Variants in TIAM2 observed in about 807,000 individuals in gnomAD.
The protein encoded by TIAM2 is rho guanine nucleotide exchange factor TIAM2.
TIAM2 carries 80 observed loss-of-function variants against 152.9 expected under a neutral mutation model. The ratio of observed to expected loss-of-function variants is 0.52; its 90% confidence interval spans 0.44 to 0.63. The LOEUF is 0.63. TIAM2 is among the 30% of genes least tolerant of loss of function. The pLI is 0.00. For synonymous variants in TIAM2, 804 were observed against 838.0 expected (o/e 0.96, Z 0.70); for missense variants, 1,965 against 2,120.1 (o/e 0.93, Z 1.44).
At chr6:155,112,125 C>CT (rs34148436) in intron 2 of TIAM2, among the ~76,000 whole-genome samples, 25,654 of 131,358 alleles carry the variant, frequency 0.2, 3,090 homozygotes, top group South Asian at 0.42. Flanking sequence ...TTGGTTTCCT[C>CT]TTTTTTTTTT....
rs1469776948 is a variant in TIAM2 at position 155,156,434 on chromosome 6, C to G, written c.2029-7981C>G. Among the ~76,000 whole-genome samples, 1 of 152,104 alleles carries G rather than the reference C, an allele frequency of 6.6e-6. No homozygotes were observed. The highest frequency in any genetic ancestry group is 1.5e-5 in the Non-Finnish European group (1 of 68,026). ...TTTTGGGAGGCCAAGGTGGGCGGATCACTTGAGGTCAGGAGTTCAAGACTA... is the reference window on the plus strand; with the variant it reads ...TTTTGGGAGGCCAAGGTGGGCGGATGACTTGAGGTCAGGAGTTCAAGACTA... On this transcript the variant is annotated intron_variant, in intron 7 of 26. Transcript: ENST00000682666. This position sits in a 1 kb window ranked among gnomAD's most constrained non-coding sequence, Gnocchi z 4.4.
chr6:155,118,494 G>A (rs768370764), intron 2 of TIAM2, among the ~76,000 whole-genome samples: 6 of 141,194 alleles, frequency 4.2e-5, no homozygotes, highest in East Asian at 2.0e-4. Context: ...GTGCAGTGGC[G>A]TGATCTTGAC....
At position 155,186,395 on chromosome 6, in the gene TIAM2, T is replaced by C. The variant is rs1781043845; in HGVS notation, c.3064+2895T>C. On this transcript the variant is annotated intron_variant, in intron 14 of 26. Transcript: ENST00000682666. The surrounding 1 kb of genome is among the most constrained non-coding windows in gnomAD (Gnocchi z 4.5). Reference sequence around the variant, plus strand: ...TACACAGCAGCCTCGCTTTCACACCTCCCATGGGCTTCCTGCCCTTCTTGC... The same window carrying C: ...TACACAGCAGCCTCGCTTTCACACCCCCCATGGGCTTCCTGCCCTTCTTGC... Among the ~76,000 whole-genome samples, 1 of 152,080 alleles carries C rather than the reference T, an allele frequency of 6.6e-6. No homozygotes were observed. Among genetic ancestry groups the C allele is most frequent in the Non-Finnish European group, 1.5e-5 (1 of 68,010 alleles).
intron 14 of TIAM2, among the ~76,000 whole-genome samples, chr6:155,204,947 G>A (rs970880058): frequency 6.6e-6 from 1 of 152,000 alleles, no homozygotes; most frequent in Non-Finnish European, 1.5e-5. Flanking sequence ...CACCTTGAAC[G>A]CTGCGTCCTC....
intron 5 of TIAM2, among the ~76,000 whole-genome samples, chr6:155,141,151 G>C (rs1479066922): frequency 6.6e-6 from 1 of 152,110 alleles, no homozygotes; most frequent in Admixed American, 6.5e-5. Context: ...AAGATCCATG[G>C]ATAAAGGGTG....
Position 155,183,385 on chromosome 6 carries a change from A to T in TIAM2, c.2949A>T (p.Thr983=). ...RPPDTKATLC[T]SWSDSDLFSR... ...CGGACACAAAAGCAACCCTGTGTACATCCTGGTCAGACAGTGACCTGTTCT... is the reference window on the plus strand; with the variant it reads ...CGGACACAAAAGCAACCCTGTGTACTTCCTGGTCAGACAGTGACCTGTTCT... The change falls in exon 14 of 27, where the codon ACA becomes ACT. Residue 983 remains threonine, a synonymous_variant. Transcript: ENST00000682666. The T allele has an allele frequency of 6.2e-7, 1 of 1,613,456 alleles. No individual in the cohort carries two copies. Among genetic ancestry groups the T allele is most frequent in the African/African-American group, 1.3e-5 (1 of 74,782 alleles).
intron 1 of TIAM2, among the ~76,000 whole-genome samples, chr6:155,029,586 A>AT: frequency 1.3e-5 from 1 of 75,984 alleles, no homozygotes; most frequent in Admixed American, 1.8e-4. Context: ...ATATATAACT[A>AT]TATAGTATAT....
intron 1 of TIAM2, among the ~76,000 whole-genome samples, chr6:155,010,644 G>T (rs1247493144): frequency 2.0e-5 from 3 of 152,054 alleles, no homozygotes; most frequent in South Asian, 2.1e-4. Context: ...TAGTAGAGAC[G>T]GGGTTTCTCC....
intron 22 of TIAM2, 63 bp from the exon 23 acceptor site, chr6:155,251,882 C>G: frequency 4.6e-6 from 6 of 1,316,642 alleles, no homozygotes; most frequent in Non-Finnish European, 5.4e-6. Context: ...ACGTTCAGCT[C>G]TAGTTTAACC....
intron 14 of TIAM2, among the ~76,000 whole-genome samples, chr6:155,208,093 C>T (rs1227420848): frequency 2.0e-5 from 3 of 152,108 alleles, no homozygotes; most frequent in African/African-American, 7.2e-5. Context: ...TAGAACATGC[C>T]TGATGTACAG....
chr6:155,246,649 G>A (rs1010039281), intron 19 of TIAM2, among the ~76,000 whole-genome samples: 19 of 152,022 alleles, frequency 1.2e-4, no homozygotes, highest in Non-Finnish European at 7.4e-5. Context: ...AAGCACCTTT[G>A]TATTGACAGT....
At chr6:155,171,874 C>T (rs1204342175) in intron 9 of TIAM2, among the ~76,000 whole-genome samples, 1 of 152,132 alleles carries the variant, frequency 6.6e-6, no homozygotes, top group African/African-American at 2.4e-5. Flanking sequence ...TTTGTGTTTT[C>T]TCCTCATCTC....
At chr6:155,211,333 C>G in intron 15 of TIAM2, 26 bp downstream of exon 15, 1 of 1,599,836 alleles carries the variant, frequency 6.3e-7, no homozygotes, top group East Asian at 2.2e-5. Flanking sequence ...AAATCGCAAA[C>G]CAAGAACCAG....
rs568582431 is a variant in TIAM2, at chr6:155,019,365, T to A, written c.-209+23873T>A. On this transcript the variant is annotated intron_variant, in intron 1 of 26. Transcript: ENST00000682666. ...AGAAAAGAAAAAAAATAAAAAAGGA[T>A]CCAAATTAGTAGGTGATTAGTAGAT... 9.3e-4 allele frequency among the ~76,000 whole-genome samples: 141 copies of A among 151,910 alleles called. 2 individuals carry two copies. In the South Asian group the frequency reaches 0.024, roughly 26 times the overall value.
intron 5 of TIAM2, among the ~76,000 whole-genome samples, chr6:155,142,043 C>T (rs554783980): frequency 1.7e-4 from 26 of 151,684 alleles, no homozygotes; most frequent in African/African-American, 1.9e-4. Context: ...CCCCCAGCAC[C>T]GGGGTGAACG....
intron 1 of TIAM2, among the ~76,000 whole-genome samples, chr6:155,029,505 A>ACTATAGT (rs1303279516): frequency 0.031 from 866 of 28,348 alleles, 142 homozygotes; most frequent in African/African-American, 0.086. Context: ...TATTATATAT[A>ACTATAGT]ATATATACTA....
intron 2 of TIAM2, among the ~76,000 whole-genome samples, chr6:155,094,724 G>GTTTTTTTTTTTTTTTTT (rs200208029): frequency 7.3e-6 from 1 of 136,190 alleles, no homozygotes; most frequent in African/African-American, 2.7e-5. Flanking sequence ...TATATCTATG[G>GTTTTTTTTTTTTTTTTT]TTTTTTTTTT....
intron 1 of TIAM2, among the ~76,000 whole-genome samples, chr6:155,002,426 T>C (rs998514943): frequency 2.0e-5 from 3 of 152,042 alleles, no homozygotes; most frequent in Non-Finnish European, 1.5e-5. Context: ...AAAATAAAAT[T>C]AGCATAATAT....
In TIAM2 at chr6:155,137,415, C is replaced by T. The variant is rs369994726; in HGVS notation, c.1433C>T (p.Thr478Ile). 9.3e-6 allele frequency: 15 copies of T among 1,614,208 alleles called. No individual in the cohort carries two copies. The highest frequency in any genetic ancestry group is 1.1e-5 in the Non-Finnish European group (13 of 1,180,036). The change falls in exon 5 of 27, where the codon ACA (threonine) becomes ATA (isoleucine). Residue 478 changes from threonine to isoleucine, a missense_variant. Physicochemically the swap from Thr to Ile is moderately conservative, Grantham distance 89. Transcript: ENST00000682666. The stretch of plus-strand genomic sequence containing the variant: ...AGGACCAACACTGAGAACATAGAAA[C>T]ATCTACAGAAACCGCCGAGTCCAGC... ...MSRTNTENIE[T>I]STETAESSSE...
Sources: gnomAD v4.1 joint callset for allele counts (sites outside exome capture counted in the v4.1 genomes callset) on GRCh38, gnomAD v4.1.1 for gene constraint, Gnocchi (gnomAD v3.1) non-coding constraint, MANE v1.5 for transcripts, NCBI Gene and HGNC (gene_info 2026-07-23, HGNC 2026-07-21) for gene names.